XPO1: variants seen among roughly 807,000 people sequenced by gnomAD.
The protein encoded by XPO1 is exportin-1.
In XPO1, 5 loss-of-function variants were observed where a neutral mutation model predicts 133.3. The observed-to-expected ratio is 0.04, with a 90% confidence interval of 0.02 to 0.08. The LOEUF (loss-of-function observed/expected upper bound fraction) is 0.08. XPO1 is among the 10% of genes least tolerant of loss of function. The pLI is 1.00. For missense variants in XPO1, 506 were observed against 1,267.5 expected, an observed-to-expected ratio of 0.40 and a Z score of 9.12; for synonymous variants, 419 against 408.2, an observed-to-expected ratio of 1.03 and a Z score of -0.32.
At chr2:61,517,090 G>C (rs574592532) in intron 4 of XPO1, among the ~76,000 whole-genome samples, 1 of 151,960 alleles carries the variant, frequency 6.6e-6, no homozygotes, top group Non-Finnish European at 1.5e-5. Flanking sequence ...TTTTAGTAGA[G>C]ACCGGGTTTC....
At chr2:61,516,323 CA>C (rs113228751) in intron 4 of XPO1, among the ~76,000 whole-genome samples, 133 of 141,354 alleles carry the variant, frequency 9.4e-4, no homozygotes, top group African/African-American at 1.4e-3. Context: ...CCAAACCAAA[CA>C]AAAAAAAAAA....
In XPO1 at chr2:61,485,741, C is replaced by T. The variant is rs1249486506; in HGVS notation, c.2508+27G>A. 5.1e-6 allele frequency: 8 copies of T among 1,566,088 alleles called. No homozygotes were observed. The East Asian group carries it at 1.8e-4, about 35-fold the overall frequency. On this transcript the variant is annotated intron_variant, in intron 20 of 24. Transcript: ENST00000401558. Reference sequence around the variant, plus strand: ...ATTAAGGCTATCCTGCAGAATTTCCCCCTTACATAACTGAAATATTACACA... The same window carrying T: ...ATTAAGGCTATCCTGCAGAATTTCCTCCTTACATAACTGAAATATTACACA...
intron 23 of XPO1, among the ~76,000 whole-genome samples, chr2:61,482,034 C>CTTTTTTTTTTTTTTTTTTTT (rs1195049382): frequency 2.8e-5 from 2 of 71,368 alleles, no homozygotes; most frequent in Non-Finnish European, 5.3e-5. Flanking sequence ...CGTGCGTGGC[C>CTTTTTTTTTTTTTTTTTTTT]TTTTTTTTTT....
intron 4 of XPO1, among the ~76,000 whole-genome samples, chr2:61,506,869 A>C (rs1697845045): frequency 6.6e-6 from 1 of 152,112 alleles, no homozygotes; most frequent in South Asian, 2.1e-4. Flanking sequence ...CAAAACAGAC[A>C]TTTACATAAC....
chr2:61,491,938 A>C, intron 16 of XPO1, 97 bp downstream of exon 16: 27 of 1,361,726 alleles, frequency 2.0e-5, no homozygotes, highest in Middle Eastern at 2.4e-4. Context: ...AAACACTTCT[A>C]TTGGATCCAA....
chr2:61,498,851 T>A lies in XPO1; in HGVS notation c.639+14A>T, dbSNP rs1442403931. On this transcript the variant is annotated intron_variant, in intron 8 of 24. Coordinates refer to ENST00000401558, the MANE Select transcript of XPO1 (RefSeq NM_003400.4). ...CCTATTATTGTTTTTAAAAATGAAA[T>A]TAAAAACACTTACCATTACAAACTG... 1.2e-6 allele frequency: 2 copies of A among 1,605,516 alleles called. No individual in the cohort carries two copies. Among genetic ancestry groups the A allele is most frequent in the South Asian group, 1.1e-5 (1 of 89,236 alleles).
intron 4 of XPO1, among the ~76,000 whole-genome samples, chr2:61,507,331 T>G (rs189545259): frequency 2.7e-3 from 407 of 151,694 alleles, no homozygotes; most frequent in African/African-American, 9.2e-3. Context: ...CCTGGAGCTT[T>G]GGAAGGCTGA....
At chr2:61,533,735 T>G (rs752305899) in intron 2 of XPO1, 37 bp downstream of exon 2, 2 of 1,481,136 alleles carry the variant, frequency 1.4e-6, no homozygotes, top group Non-Finnish European at 1.8e-6. Context: ...TCTGTTACAC[T>G]GTCATAATGT....
At chr2:61,486,429 T>C (rs954639480) in intron 19 of XPO1, among the ~76,000 whole-genome samples, 2 of 151,446 alleles carry the variant, frequency 1.3e-5, no homozygotes, top group African/African-American at 4.9e-5. Flanking sequence ...ATACTGTATA[T>C]GTAAGATGGC....
At chr2:61,495,426 T>C in intron 11 of XPO1, 29 bp downstream of exon 11, 1 of 1,490,048 alleles carries the variant, frequency 6.7e-7, no homozygotes, top group African/African-American at 1.4e-5. Context: ...AGAGCAGAAT[T>C]TTAGGAGCAA....
At position 61,492,473 on chromosome 2, in the gene XPO1, T is replaced by C; in HGVS notation, c.1575A>G (p.Leu525=). The part of the protein sequence containing the change: ...RFLVTVIKDL[L]GLCEQKRGKD... ...TGCCTCTTTTCTGTTCACATAATCC[T>C]AATAGATCCTGTAAATAAGACAAAT... The change falls in exon 15 of 25, where the codon TTA becomes TTG. Residue 525 remains leucine, a synonymous_variant. Transcript: ENST00000401558. This position sits in a 1 kb window ranked among gnomAD's most constrained non-coding sequence, Gnocchi z 5.6. The C allele has an allele frequency of 6.3e-7, 1 of 1,591,050 alleles. No individual in the cohort carries two copies. The highest frequency in any genetic ancestry group is 8.5e-7 in the Non-Finnish European group (1 of 1,173,116).
At chr2:61,536,911 C>T (rs1017537854) in intron 1 of XPO1, 1 of 152,544 alleles carries the variant, frequency 6.6e-6, no homozygotes, top group Middle Eastern at 3.4e-3. Flanking sequence ...CTCCACTGTA[C>T]AAGGCCAACA....
intron 4 of XPO1, among the ~76,000 whole-genome samples, chr2:61,520,152 T>C (rs1260866084): frequency 2.0e-5 from 3 of 152,092 alleles, no homozygotes; most frequent in African/African-American, 7.2e-5. Context: ...ACAAAGGGTA[T>C]AGCTACAGCA....
chr2:61,496,014 A>G (rs1697223316), intron 10 of XPO1, among the ~76,000 whole-genome samples: 1 of 152,116 alleles, frequency 6.6e-6, no homozygotes, highest in Non-Finnish European at 1.5e-5. Context: ...CCTTTTGCTA[A>G]TATTAAACCA....
Position 61,492,469 on chromosome 2 carries a change from A to G in XPO1, c.1579T>C (p.Leu527=). ...LVTVIKDLLG[L]CEQKRGKDNK... The stretch of plus-strand genomic sequence containing the variant: ...TCTTTGCCTCTTTTCTGTTCACATA[A>G]TCCTAATAGATCCTGTAAATAAGAC... Residue 527 remains leucine, a synonymous_variant, in exon 15 of 25, where the codon TTA becomes CTA. Coordinates refer to ENST00000401558, the MANE Select transcript of XPO1 (RefSeq NM_003400.4). This position sits in a 1 kb window ranked among gnomAD's most constrained non-coding sequence, Gnocchi z 5.6. 6.3e-7 allele frequency: 1 copy of G among 1,588,368 alleles called. No homozygotes were observed. The highest frequency in any genetic ancestry group is 8.5e-7 in the Non-Finnish European group (1 of 1,172,512).
chr2:61,505,521 A>T (rs901869947), intron 4 of XPO1, among the ~76,000 whole-genome samples: 2 of 150,856 alleles, frequency 1.3e-5, no homozygotes, highest in African/African-American at 4.9e-5. Context: ...CCTCCTGAGT[A>T]CCCTGGACTA....
intron 4 of XPO1, chr2:61,502,690 T>C (rs961401044): frequency 6.8e-5 from 13 of 192,036 alleles, no homozygotes; most frequent in African/African-American, 2.9e-4. Context: ...GAGGTGGAGG[T>C]TGCAGTGAGC....
chr2:61,482,942 G>A lies in XPO1; in HGVS notation c.2812+15C>T, dbSNP rs114013406. On this transcript the variant is annotated intron_variant, in intron 22 of 24. Transcript: ENST00000401558. ...CCAGCTGGCACTTAACATTTAAATC[G>A]TATTAAATTCTTACCAGCAGTATGT... The A allele has an allele frequency of 2.1e-3, 3,415 of 1,613,062 alleles. 52 individuals carry two copies. In the African/African-American group the frequency reaches 0.036, roughly 17 times the overall value.
intron 22 of XPO1, 123 bp from the exon 23 acceptor site, chr2:61,482,662 G>A (rs140122130): frequency 9.8e-4 from 958 of 979,458 alleles, no homozygotes; most frequent in Non-Finnish European, 1.2e-3. Flanking sequence ...CTGGAATGCC[G>A]TGGCGCAATC....
Sources: gnomAD v4.1 joint callset for allele counts (sites outside exome capture counted in the v4.1 genomes callset) on GRCh38, gnomAD v4.1.1 for gene constraint, Gnocchi (gnomAD v3.1) non-coding constraint, MANE v1.5 for transcripts, NCBI Gene and HGNC (gene_info 2026-07-23, HGNC 2026-07-21) for gene names.